IPCEF1: variants seen among roughly 807,000 people sequenced by gnomAD.
The protein encoded by IPCEF1 is interactor protein for cytohesin exchange factors 1.
A neutral mutation model predicts 50.9 loss-of-function variants in IPCEF1; 31 were observed. The observed-to-expected ratio is 0.61, with a 90% CI of 0.46 to 0.82. IPCEF1 has a LOEUF of 0.82. Ranked by LOEUF, IPCEF1 falls within the 40% of genes least tolerant of loss-of-function variation. IPCEF1 has a pLI of 0.00. For synonymous variants in IPCEF1, 181 were observed against 192.0 expected, an observed-to-expected ratio of 0.94 and a Z score of 0.47; for missense variants, 458 against 514.0, an observed-to-expected ratio of 0.89 and a Z score of 1.05.
intron 1 of IPCEF1, among the ~76,000 whole-genome samples, chr6:154,310,480 G>A (rs1783051894): frequency 6.6e-6 from 1 of 152,094 alleles, no homozygotes; most frequent in Non-Finnish European, 1.5e-5. Context: ...ATAGTATGGA[G>A]GTTCCACAAA....
chr6:154,202,323 C>T (rs902186690), intron 9 of IPCEF1, among the ~76,000 whole-genome samples: 1 of 152,014 alleles, frequency 6.6e-6, no homozygotes, highest in African/African-American at 2.4e-5. Context: ...TCTTTAATAA[C>T]CAAGAGATCA....
At chr6:154,206,454 T>C (rs1266945131) in intron 9 of IPCEF1, among the ~76,000 whole-genome samples, 1 of 152,222 alleles carries the variant, frequency 6.6e-6, no homozygotes, top group Non-Finnish European at 1.5e-5. Context: ...AAATGTTTAT[T>C]TAGTTTCAAA....
intron 5 of IPCEF1, among the ~76,000 whole-genome samples, chr6:154,228,889 AAAAC>A (rs1319023893): frequency 3.9e-5 from 6 of 152,344 alleles, no homozygotes; most frequent in African/African-American, 9.6e-5. Flanking sequence ...ACCCAGTCTC[AAAAC>A]AAACAAACAA....
Position 154,212,813 on chromosome 6 carries a change from G to A in IPCEF1, c.494C>T (p.Ala165Val), listed in dbSNP as rs557141418. 53 of 1,613,566 alleles carry A rather than the reference G, an allele frequency of 3.3e-5. 1 individual carries two copies. The East Asian group carries it at 6.7e-4, about 20-fold the overall frequency. ...ESEQEDPEIAAETPPPPHASQ... is the reference protein window; with the variant it reads ...ESEQEDPEIAVETPPPPHASQ... ...AGCGTGAGGAGGGGGTGGTGTCTCC[G>A]CAGCTATTTCTGGATCTTCCTGTTC... The change falls in exon 9 of 12, where the codon GCG (alanine) becomes GTG (valine). Residue 165 changes from alanine (A) to valine (V), a missense_variant. Physicochemically the swap from Ala to Val is moderately conservative, Grantham distance 64. Transcript: ENST00000367220.
At chr6:154,161,105 A>G (rs1196684262) in intron 11 of IPCEF1, among the ~76,000 whole-genome samples, 1 of 152,126 alleles carries the variant, frequency 6.6e-6, no homozygotes, top group African/African-American at 2.4e-5. Flanking sequence ...GTTGTGCCAC[A>G]TGAAGAATCT....
intron 2 of IPCEF1, among the ~76,000 whole-genome samples, chr6:154,273,054 A>G (rs1781936984): frequency 6.6e-6 from 1 of 152,206 alleles, no homozygotes; most frequent in Admixed American, 6.5e-5. Context: ...TTTAGAGACG[A>G]TTTTCCAGTT....
intron 10 of IPCEF1, among the ~76,000 whole-genome samples, chr6:154,183,950 G>GA (rs1801118089): frequency 6.6e-6 from 1 of 150,858 alleles, no homozygotes; most frequent in East Asian, 1.9e-4. Flanking sequence ...AACAGGAAAA[G>GA]AAAAAAATTG....
chr6:154,229,781 A>G (rs1722441755), intron 5 of IPCEF1, among the ~76,000 whole-genome samples: 1 of 152,228 alleles, frequency 6.6e-6, no homozygotes, highest in Non-Finnish European at 1.5e-5. Context: ...AAATCGTTAT[A>G]ACAGCTTTAT....
chr6:154,273,724 CTTTTTTTTTTTTTTTTTTTTTTTTTTTTT>C (rs71021036), intron 2 of IPCEF1, among the ~76,000 whole-genome samples: 57 of 63,324 alleles, frequency 9.0e-4, no homozygotes, highest in African/African-American at 2.8e-3. Context: ...TTCTTTCTTT[CTTTTTTTTTTTTTTTTTTTTTTTTTTTTT>C]TTTTTTTTTT....
chr6:154,355,700 G>GTCGAGC (rs1784205297), intron 1 of IPCEF1, among the ~76,000 whole-genome samples: 1 of 151,994 alleles, frequency 6.6e-6, no homozygotes, highest in Admixed American at 6.6e-5. Flanking sequence ...TGTTGGCCAG[G>GTCGAGC]CTGGTCTCGA....
At chr6:154,204,959 TCAC>T (rs1226339291) in intron 9 of IPCEF1, among the ~76,000 whole-genome samples, 1 of 152,186 alleles carries the variant, frequency 6.6e-6, no homozygotes, top group African/African-American at 2.4e-5. Context: ...TTCTGTCCCA[TCAC>T]CACATCTCTG....
chr6:154,347,252 G>T (rs1405410821), intron 1 of IPCEF1, among the ~76,000 whole-genome samples: 1 of 152,112 alleles, frequency 6.6e-6, no homozygotes, highest in Non-Finnish European at 1.5e-5. Flanking sequence ...ATTCCCTCAG[G>T]ACAGCTATAT....
At chr6:154,184,018 T>C (rs1801124578) in intron 10 of IPCEF1, among the ~76,000 whole-genome samples, 1 of 152,166 alleles carries the variant, frequency 6.6e-6, no homozygotes, top group South Asian at 2.1e-4. Flanking sequence ...CTGCTAACTC[T>C]AGTCACTATG....
chr6:154,323,592 G>A (rs1214627871), intron 1 of IPCEF1, among the ~76,000 whole-genome samples: 2 of 152,102 alleles, frequency 1.3e-5, no homozygotes, highest in Non-Finnish European at 2.9e-5. Flanking sequence ...TGCTTCTGGA[G>A]TAACCCAAAC....
chr6:154,354,171 T>C (rs1277462050), intron 1 of IPCEF1, among the ~76,000 whole-genome samples: 4 of 152,178 alleles, frequency 2.6e-5, no homozygotes, highest in African/African-American at 9.7e-5. Context: ...AGCTGGTAGG[T>C]TCAGAGATAT....
At chr6:154,285,058 T>C (rs1440814699) in intron 2 of IPCEF1, among the ~76,000 whole-genome samples, 5 of 152,138 alleles carry the variant, frequency 3.3e-5, no homozygotes, top group Admixed American at 6.6e-5. Context: ...CATAACACCG[T>C]CTAGTCTAAT....
At chr6:154,173,307 A>C (rs1406692544) in intron 10 of IPCEF1, among the ~76,000 whole-genome samples, 1 of 152,202 alleles carries the variant, frequency 6.6e-6, no homozygotes, top group Non-Finnish European at 1.5e-5. Flanking sequence ...ACAAAACTGG[A>C]TGGAGAATGA....
intron 10 of IPCEF1, among the ~76,000 whole-genome samples, chr6:154,176,408 G>A (rs1345942895): frequency 6.6e-6 from 1 of 152,124 alleles, no homozygotes; most frequent in Non-Finnish European, 1.5e-5. Context: ...TCACATGATT[G>A]TATATTTAGA....
chr6:154,326,289 G>A (rs1276755952), intron 1 of IPCEF1, among the ~76,000 whole-genome samples: 1 of 151,628 alleles, frequency 6.6e-6, no homozygotes, highest in Admixed American at 6.6e-5. Flanking sequence ...ACACATTTTG[G>A]CAGATGACAT....
Sources: allele counts gnomAD v4.1 joint callset (sites outside exome capture counted in the v4.1 genomes callset), GRCh38; gene constraint gnomAD v4.1.1; transcripts MANE v1.5; gene names NCBI Gene and HGNC (gene_info 2026-07-23, HGNC 2026-07-21).